LOC128706666: variants seen among roughly 807,000 people sequenced by gnomAD.
chr20:10,421,329 C>CAGG, the LOC128706666 span, among the ~76,000 whole-genome samples: 1 of 149,350 alleles, frequency 6.7e-6, no homozygotes, highest in Non-Finnish European at 1.5e-5. Flanking sequence ...GAGGCTGAGT[C>CAGG]AGGAGACTTG....
At chr20:10,420,196 G>A in the LOC128706666 span, among the ~76,000 whole-genome samples, 2 of 152,042 alleles carry the variant, frequency 1.3e-5, no homozygotes, top group Non-Finnish European at 2.9e-5. Context: ...AACACTAATA[G>A]AAGAAAATAA....
chr20:10,414,691 CAA>C, the LOC128706666 span, among the ~76,000 whole-genome samples: 1 of 152,120 alleles, frequency 6.6e-6, no homozygotes, highest in Non-Finnish European at 1.5e-5. Flanking sequence ...GCATTTATAT[CAA>C]GTCATGTTTG....
chr20:10,424,643 A>C, the LOC128706666 span, among the ~76,000 whole-genome samples: 1 of 152,168 alleles, frequency 6.6e-6, no homozygotes, highest in Admixed American at 6.5e-5. Context: ...GTAATGTGTT[A>C]TTTATTTTGT....
At chr20:10,415,288 A>G in the LOC128706666 span, among the ~76,000 whole-genome samples, 21,935 of 152,176 alleles carry the variant, frequency 0.14, 1,777 homozygotes, top group East Asian at 0.24. Flanking sequence ...AAATGAAACA[A>G]ATCTATTTAG....
At chr20:10,414,888 A>G in the LOC128706666 span, among the ~76,000 whole-genome samples, 4 of 152,166 alleles carry the variant, frequency 2.6e-5, no homozygotes, top group Non-Finnish European at 4.4e-5. Context: ...AATGATTTTC[A>G]GTTTTGGAAA....
the LOC128706666 span, among the ~76,000 whole-genome samples, chr20:10,414,327 G>A: frequency 4.1e-5 from 6 of 146,074 alleles, no homozygotes; most frequent in African/African-American, 2.6e-5. Context: ...GTGCAATGGC[G>A]TGATCTTGGC....
At chr20:10,421,547 T>C in the LOC128706666 span, among the ~76,000 whole-genome samples, 404 of 152,272 alleles carry the variant, frequency 2.7e-3, 12 homozygotes, top group East Asian at 0.058. Context: ...TCAACTGCGA[T>C]TGCAACAGCT....
At chr20:10,430,130 C>T in the LOC128706666 span, among the ~76,000 whole-genome samples, 1 of 152,296 alleles carries the variant, frequency 6.6e-6, no homozygotes, top group East Asian at 1.9e-4. Context: ...ATCTAAATTT[C>T]TTAGTACAGC....
chr20:10,433,433 C>G, the LOC128706666 span, among the ~76,000 whole-genome samples: 12 of 152,212 alleles, frequency 7.9e-5, no homozygotes, highest in Admixed American at 4.6e-4. Context: ...TTGGTCACTG[C>G]CGTATCTACT....
the LOC128706666 span, among the ~76,000 whole-genome samples, chr20:10,429,590 G>C: frequency 8.6e-5 from 13 of 152,020 alleles, no homozygotes; most frequent in African/African-American, 3.1e-4. Flanking sequence ...TTCCTGTTTC[G>C]TTAACAAAAA....
At chr20:10,420,030 GA>G in the LOC128706666 span, among the ~76,000 whole-genome samples, 3 of 152,070 alleles carry the variant, frequency 2.0e-5, no homozygotes, top group Admixed American at 1.3e-4. Flanking sequence ...AGAACTTTTT[GA>G]ATTTTGGAAT....
At chr20:10,421,292 C>T in the LOC128706666 span, among the ~76,000 whole-genome samples, 322 of 151,732 alleles carry the variant, frequency 2.1e-3, 2 homozygotes, top group African/African-American at 6.6e-3. Flanking sequence ...GATATGGTGG[C>T]GCATGCCTGT....
chr20:10,430,057 A>C, the LOC128706666 span, among the ~76,000 whole-genome samples: 1 of 152,198 alleles, frequency 6.6e-6, no homozygotes, highest in African/African-American at 2.4e-5. Flanking sequence ...AAAAACAAAA[A>C]CAAATCTGGT....
the LOC128706666 span, among the ~76,000 whole-genome samples, chr20:10,415,847 T>C: frequency 2.0e-5 from 3 of 152,134 alleles, no homozygotes; most frequent in East Asian, 3.8e-4. Flanking sequence ...ACATATCTTT[T>C]GGCTAGTATT....
At chr20:10,428,710 G>GCA in the LOC128706666 span, among the ~76,000 whole-genome samples, 1 of 152,124 alleles carries the variant, frequency 6.6e-6, no homozygotes, top group South Asian at 2.1e-4. Flanking sequence ...TGTGGTGGGT[G>GCA]CACCTGTAAT....
chr20:10,414,526 A>G, the LOC128706666 span, among the ~76,000 whole-genome samples: 305 of 152,094 alleles, frequency 2.0e-3, 1 homozygote, highest in Middle Eastern at 6.8e-3. Flanking sequence ...CTGCCTCCCA[A>G]AGTGCTGGGA....
chr20:10,419,695 C>A, the LOC128706666 span, among the ~76,000 whole-genome samples: 1 of 152,170 alleles, frequency 6.6e-6, no homozygotes, highest in Admixed American at 6.6e-5. Flanking sequence ...GGAGATACCA[C>A]CACAGTTGAT....
the LOC128706666 span, among the ~76,000 whole-genome samples, chr20:10,429,673 T>G: frequency 1.3e-5 from 2 of 152,196 alleles, no homozygotes; most frequent in Non-Finnish European, 2.9e-5. Context: ...ATGCTCCTCA[T>G]CAACTCACTC....
chr20:10,423,141 T>C, the LOC128706666 span, among the ~76,000 whole-genome samples: 6 of 152,084 alleles, frequency 3.9e-5, no homozygotes, highest in African/African-American at 1.4e-4. Flanking sequence ...CCCTAGCTTA[T>C]AAAAAGAGAT....
Sources: gnomAD v4.1 joint callset for allele counts (sites outside exome capture counted in the v4.1 genomes callset) on GRCh38, gnomAD v4.1.1 for gene constraint, MANE v1.5 for transcripts.